Variants in NAAA observed in about 807,000 individuals in gnomAD.
NAAA encodes the protein N-acylethanolamine acid amidase.
NAAA carries 39 observed loss-of-function variants against 44.8 expected under a neutral mutation model. The observed-to-expected ratio is 0.87, with a 90% CI of 0.67 to 1.14. NAAA has a LOEUF of 1.14. NAAA is among the 50% of genes most tolerant of loss of function. The pLI, the probability that NAAA is intolerant of heterozygous loss-of-function variation, is 0.00. For missense variants in NAAA, 460 were observed against 467.8 expected, an observed-to-expected ratio of 0.98 and a Z score of 0.15; for synonymous variants, 178 against 191.3, an observed-to-expected ratio of 0.93 and a Z score of 0.58.
chr4:75,928,144 T>A (rs78583373), intron 4 of NAAA, among the ~76,000 whole-genome samples: 4,454 of 152,328 alleles, frequency 0.029, 96 homozygotes, highest in Non-Finnish European at 0.049. Context: ...CCCTTTTTCC[T>A]CAGTGCATAG....
chr4:75,921,113 T>G lies in NAAA; in HGVS notation c.677A>C (p.Glu226Ala), dbSNP rs779955317. Residue 226 changes from glutamate (E) to alanine (A), a missense_variant, in exon 6 of 11, where the codon GAG (glutamate) becomes GCG (alanine). Coordinates refer to ENST00000286733, the MANE Select transcript of NAAA (RefSeq NM_014435.4). ...VSWLIRATLS[E>A]SENFEAAVGK... is the part of the protein sequence containing the mutation. ...AACAGCTGCTTCGAAGTTTTCCGACTCACTCAGGGTCTGAACGAAAGGATG... is the reference window on the plus strand; with the variant it reads ...AACAGCTGCTTCGAAGTTTTCCGACGCACTCAGGGTCTGAACGAAAGGATG... 6.3e-7 allele frequency: 1 copy of G among 1,578,418 alleles called. No homozygotes were observed. Among genetic ancestry groups the G allele is most frequent in the East Asian group, 2.2e-5 (1 of 44,620 alleles).
At chr4:75,913,626 G>A, downstream of NAAA, 1 of 937,248 alleles carries the variant, frequency 1.1e-6, no homozygotes, top group Non-Finnish European at 1.3e-6. Flanking sequence ...TAAGACTTCG[G>A]AGGTAAAGAA....
chr4:75,936,949 T>G (rs138166169), intron 2 of NAAA, among the ~76,000 whole-genome samples: 272 of 152,328 alleles, frequency 1.8e-3, no homozygotes, highest in Non-Finnish European at 3.3e-3. Context: ...TATATCCACA[T>G]GAACAAAACT....
chr4:75,932,394 T>A (rs1727305189), intron 3 of NAAA, among the ~76,000 whole-genome samples: 1 of 152,212 alleles, frequency 6.6e-6, no homozygotes, highest in African/African-American at 2.4e-5. Context: ...CAAAGCTCTT[T>A]CATTTAATCC....
chr4:75,910,976 T>C (rs1043012355), downstream of NAAA, among the ~76,000 whole-genome samples: 3 of 152,122 alleles, frequency 2.0e-5, no homozygotes, highest in Admixed American at 6.6e-5. Context: ...TTCGGAGCAA[T>C]TTTTTGCAGG....
At chr4:75,930,110 A>G (rs1385934204) in intron 4 of NAAA, among the ~76,000 whole-genome samples, 2 of 151,994 alleles carry the variant, frequency 1.3e-5, no homozygotes, top group Non-Finnish European at 2.9e-5. Context: ...AAACAAACAA[A>G]ACAAAACAAA....
chr4:75,923,471 C>T (rs2149257703), intron 5 of NAAA, among the ~76,000 whole-genome samples: 1 of 152,156 alleles, frequency 6.6e-6, no homozygotes, highest in South Asian at 2.1e-4. Flanking sequence ...ATGCCAGCAG[C>T]TGTGCCAACA....
chr4:75,932,159 G>A (rs1326323883), intron 3 of NAAA, among the ~76,000 whole-genome samples: 1 of 152,188 alleles, frequency 6.6e-6, no homozygotes, highest in Non-Finnish European at 1.5e-5. Flanking sequence ...AACCCGGGAG[G>A]CGGAGGTTGC....
At chr4:75,918,537 GATTTATATTTGTTTATC>G (rs1440949719) in intron 9 of NAAA, among the ~76,000 whole-genome samples, 1 of 151,950 alleles carries the variant, frequency 6.6e-6, no homozygotes, top group Non-Finnish European at 1.5e-5. Flanking sequence ...CTTCTCACCT[GATTTATATTTGTTTATC>G]ACCACCACCC....
At position 75,920,743 on chromosome 4, in the gene NAAA, G is replaced by A. The variant is rs750896672; in HGVS notation, c.897C>T (p.Asp299=). 1 of 1,614,198 alleles carries A rather than the reference G, an allele frequency of 6.2e-7. No homozygotes were observed. The highest frequency in any genetic ancestry group is 1.1e-5 in the South Asian group (1 of 91,090). The change falls in exon 7 of 11, where the codon GAC becomes GAT. Residue 299 remains aspartate, a synonymous_variant. Transcript: ENST00000286733. ...GAAAGCACGTAGCAGCCTACCTCCGGTCATCTTCCTTGGGTGCTGGCTTCC... is the reference window on the plus strand; with the variant it reads ...GAAAGCACGTAGCAGCCTACCTCCGATCATCTTCCTTGGGTGCTGGCTTCC... The part of the protein sequence containing the change: ...DHWKPAPKED[D]RRTSAIKALN...
chr4:75,940,179 G>A lies in NAAA; in HGVS notation c.207-14C>T. 1 of 1,610,452 alleles carries A rather than the reference G, an allele frequency of 6.2e-7. No homozygotes were observed. Among genetic ancestry groups the A allele is most frequent in the South Asian group, 1.1e-5 (1 of 90,946 alleles). ...GGGACTCTGTCCCTAGAAACAAAAA[G>A]CACAAGGGCGTCTGACCCGCTCAGA... is the stretch of plus-strand genomic sequence containing the variant. On this transcript the variant is annotated splice_polypyrimidine_tract_variant and intron_variant, in intron 1 of 10. Transcript: ENST00000286733.
At chr4:75,913,538 T>G (rs1181273315), downstream of NAAA, 2 of 373,356 alleles carry the variant, frequency 5.4e-6, no homozygotes, top group African/African-American at 4.4e-5. Flanking sequence ...CAAGCAGCTG[T>G]TCATTCCCTT....
chr4:75,924,556 T>C (rs190033216), intron 5 of NAAA, among the ~76,000 whole-genome samples: 3 of 152,380 alleles, frequency 2.0e-5, no homozygotes, highest in Admixed American at 2.0e-4. Flanking sequence ...TAATAGGTTC[T>C]TGTAGAGCAG....
chr4:75,940,487 G>A (rs1276647568), intron 1 of NAAA, among the ~76,000 whole-genome samples: 1 of 152,232 alleles, frequency 6.6e-6, no homozygotes, highest in Non-Finnish European at 1.5e-5. Context: ...ATGCAGCCCG[G>A]GCGACAACTC....
intron 2 of NAAA, 35 bp from the exon 3 acceptor site, chr4:75,936,270 A>T (rs779806744): frequency 6.3e-6 from 10 of 1,576,438 alleles, no homozygotes; most frequent in South Asian, 5.9e-5. Context: ...TGAATGAATA[A>T]GACAAATAAG....
chr4:75,928,766 C>A (rs903380326), intron 4 of NAAA, among the ~76,000 whole-genome samples: 2 of 151,288 alleles, frequency 1.3e-5, no homozygotes, highest in African/African-American at 4.8e-5. Flanking sequence ...ATCCTCATAG[C>A]AGCTATTATC....
rs1247817672 is a variant in NAAA, at chr4:75,936,213, G to A, written c.394C>T (p.Gln132Ter). 6.2e-7 allele frequency: 1 copy of A among 1,613,722 alleles called. No individual in the cohort carries two copies. ...SSVFCTSIVA[Q>*]DSRGHIYHGR... ...TGGTAAATGTGGCCTCTGGAGTCTT[G>A]AGCCACAATACTGGTGCAGAACCTG... The change falls in exon 3 of 11, where the codon CAA becomes TAA. Residue 132 changes from glutamine (Q) to a stop codon, truncating the protein, a stop_gained. Transcript: ENST00000286733. LOFTEE classifies it high-confidence loss of function.
At chr4:75,927,650 C>CCAA (rs1560510659) in intron 4 of NAAA, among the ~76,000 whole-genome samples, 2 of 100,646 alleles carry the variant, frequency 2.0e-5, no homozygotes, top group Non-Finnish European at 2.0e-5. Flanking sequence ...CCCCCCCCGC[C>CCAA]AAAAAAAATA....
chr4:75,936,108 C>T lies in NAAA; in HGVS notation c.498+1G>A, dbSNP rs765248546. 2.5e-6 allele frequency: 4 copies of T among 1,613,926 alleles called. No homozygotes were observed. In the South Asian group the frequency reaches 4.4e-5, roughly 18 times the overall value. On this transcript the variant is annotated splice_donor_variant, in intron 3 of 10. Transcript: ENST00000286733. LOFTEE classifies it high-confidence loss of function. ...TTTATCTTATATGGTACGGATTATACCTGCCCATTCTTTAAGAATTGCACA... is the reference window on the plus strand; with the variant it reads ...TTTATCTTATATGGTACGGATTATATCTGCCCATTCTTTAAGAATTGCACA...
Sources: allele counts gnomAD v4.1 joint callset (sites outside exome capture counted in the v4.1 genomes callset), GRCh38; gene constraint gnomAD v4.1.1; transcripts MANE v1.5; gene names NCBI Gene and HGNC (gene_info 2026-07-23, HGNC 2026-07-21).